MSRA: variants seen among roughly 807,000 people sequenced by gnomAD.
The protein encoded by MSRA is mitochondrial peptide methionine sulfoxide reductase.
Under a neutral mutation model 31.3 loss-of-function variants are expected in MSRA, and 54 were observed. That is an observed-to-expected ratio of 1.73 (90% CI 1.39 to 2.17). The LOEUF (loss-of-function observed/expected upper bound fraction) is 2.17. Among genes scored for constraint, MSRA ranks in the 30% most tolerant of loss-of-function variants. The pLI is 0.00. For missense variants in MSRA, 507 were observed against 300.9 expected (o/e 1.69, Z -5.07); for synonymous variants, 169 against 116.5 (o/e 1.45, Z -2.90).
At chr8:10,310,813 A>G (rs1226501053) in intron 4 of MSRA, among the ~76,000 whole-genome samples, 7 of 152,240 alleles carry the variant, frequency 4.6e-5, no homozygotes, top group African/African-American at 1.7e-4. Flanking sequence ...ACACAATTCT[A>G]TCAGAAAGCA....
At chr8:10,156,982 G>C (rs986165671) in intron 1 of MSRA, among the ~76,000 whole-genome samples, 15 of 151,682 alleles carry the variant, frequency 9.9e-5, no homozygotes, top group African/African-American at 3.1e-4. Context: ...TTTTATTTAA[G>C]TCTTCTCCAT....
At chr8:10,360,762 G>A (rs1028835412) in intron 5 of MSRA, among the ~76,000 whole-genome samples, 1 of 152,232 alleles carries the variant, frequency 6.6e-6, no homozygotes, top group Non-Finnish European at 1.5e-5. Flanking sequence ...GGGATGTACT[G>A]TCTGGGTCAG....
chr8:10,366,563 T>A (rs1198701057), intron 5 of MSRA, among the ~76,000 whole-genome samples: 1 of 152,152 alleles, frequency 6.6e-6, no homozygotes, highest in Admixed American at 6.5e-5. Flanking sequence ...GATCTTTTGG[T>A]CTGGTTTGGT....
intron 1 of MSRA, among the ~76,000 whole-genome samples, chr8:10,150,983 G>A (rs1056905981): frequency 1.4e-4 from 21 of 152,224 alleles, no homozygotes; most frequent in Admixed American, 1.2e-3. Context: ...TGGAGCAGAG[G>A]CTGGTGCATG....
At chr8:10,256,181 T>C (rs944121069) in intron 3 of MSRA, among the ~76,000 whole-genome samples, 3 of 152,190 alleles carry the variant, frequency 2.0e-5, no homozygotes, top group Admixed American at 2.0e-4. Flanking sequence ...GGAGTCTTCA[T>C]GTGTTTGCCT....
intron 2 of MSRA, among the ~76,000 whole-genome samples, chr8:10,219,736 G>T (rs1421085093): frequency 7.6e-6 from 1 of 131,562 alleles, no homozygotes; most frequent in Non-Finnish European, 1.5e-5. Flanking sequence ...AACCCGGGAG[G>T]CACAACTTGC....
intron 5 of MSRA, among the ~76,000 whole-genome samples, chr8:10,398,661 A>G (rs557945556): frequency 1.3e-5 from 2 of 152,328 alleles, no homozygotes; most frequent in South Asian, 4.1e-4. Context: ...CTCAGCTGCT[A>G]AGGCCTGATC....
At chr8:10,419,660 CTGAGTA>C (rs1808693537) in intron 5 of MSRA, among the ~76,000 whole-genome samples, 2 of 152,170 alleles carry the variant, frequency 1.3e-5, no homozygotes, top group Admixed American at 6.5e-5. Context: ...TCCTGGCACT[CTGAGTA>C]TGTCTCCTGT....
chr8:10,332,458 T>C (rs55920677), intron 5 of MSRA, among the ~76,000 whole-genome samples: 14,498 of 145,432 alleles, frequency 0.1, 983 homozygotes, highest in Non-Finnish European at 0.12. Flanking sequence ...AAATCCCCCC[T>C]CCCCACCGTA....
chr8:10,147,850 G>A (rs1387598927), intron 1 of MSRA, among the ~76,000 whole-genome samples: 1 of 152,176 alleles, frequency 6.6e-6, no homozygotes, highest in African/African-American at 2.4e-5. Context: ...CGAGTTCACC[G>A]CCCTTCGACT....
chr8:10,134,543 T>C (rs1802130578), intron 1 of MSRA, among the ~76,000 whole-genome samples: 1 of 152,256 alleles, frequency 6.6e-6, no homozygotes, highest in Non-Finnish European at 1.5e-5. Context: ...GTGCTCCTGC[T>C]GCAGGACCCT....
At chr8:10,136,463 C>A (rs559236455) in intron 1 of MSRA, among the ~76,000 whole-genome samples, 1 of 152,172 alleles carries the variant, frequency 6.6e-6, no homozygotes, top group Non-Finnish European at 1.5e-5. Context: ...AGTCCCAGCT[C>A]GGGAGCCCAC....
intron 5 of MSRA, among the ~76,000 whole-genome samples, chr8:10,401,653 A>C (rs1194759944): frequency 6.7e-6 from 1 of 149,772 alleles, no homozygotes; most frequent in Non-Finnish European, 1.5e-5. Flanking sequence ...AGTGGAAGCA[A>C]CTTAAGTGCC....
intron 1 of MSRA, among the ~76,000 whole-genome samples, chr8:10,197,336 C>T (rs1003411701): frequency 1.3e-5 from 2 of 152,092 alleles, no homozygotes; most frequent in Non-Finnish European, 2.9e-5. Context: ...TGGATTTCTT[C>T]TAAAAATGGA....
intron 2 of MSRA, among the ~76,000 whole-genome samples, chr8:10,211,961 G>A (rs1454661082): frequency 5.3e-5 from 8 of 152,070 alleles, no homozygotes; most frequent in Admixed American, 4.6e-4. Flanking sequence ...TAAAAGGGTG[G>A]AAAATGGAGG....
At chr8:10,149,366 C>T (rs937751844) in intron 1 of MSRA, among the ~76,000 whole-genome samples, 12 of 152,198 alleles carry the variant, frequency 7.9e-5, no homozygotes, top group East Asian at 3.9e-4. Flanking sequence ...TCAGGTGATC[C>T]GCCCGCCTCG....
intron 2 of MSRA, among the ~76,000 whole-genome samples, chr8:10,218,572 A>G (rs184966073): frequency 1.1e-3 from 175 of 152,344 alleles, no homozygotes; most frequent in African/African-American, 4.0e-3. Flanking sequence ...AAATATTTCT[A>G]TAAATAGAGA....
At chr8:10,377,175 C>T (rs1452192936) in intron 5 of MSRA, among the ~76,000 whole-genome samples, 3 of 152,250 alleles carry the variant, frequency 2.0e-5, no homozygotes, top group Non-Finnish European at 4.4e-5. Flanking sequence ...GAACGATTTG[C>T]CTGCTGTACA....
chr8:10,383,097 T>G (rs1181724940), intron 5 of MSRA, among the ~76,000 whole-genome samples: 1 of 152,178 alleles, frequency 6.6e-6, no homozygotes, highest in Non-Finnish European at 1.5e-5. Flanking sequence ...GGTAAACATC[T>G]GAGGCTCAGG....
Sources: gnomAD v4.1 joint callset for allele counts (sites outside exome capture counted in the v4.1 genomes callset) on GRCh38, gnomAD v4.1.1 for gene constraint, MANE v1.5 for transcripts, NCBI Gene and HGNC (gene_info 2026-07-23, HGNC 2026-07-21) for gene names.